The following RALGAPA1 variants were observed in gnomAD, a reference collection of about 807,000 sequenced individuals.
RALGAPA1 encodes the protein ral GTPase-activating protein subunit alpha-1.
Under a neutral mutation model 269.6 loss-of-function variants are expected in RALGAPA1, and 52 were observed. The observed-to-expected ratio is 0.19, with a 90% CI of 0.15 to 0.24. The LOEUF is 0.24. Ranked by LOEUF, RALGAPA1 falls within the 10% of genes least tolerant of loss-of-function variation. The pLI, the probability that RALGAPA1 is intolerant of heterozygous loss-of-function variation, is 1.00. For missense variants in RALGAPA1, 1,917 were observed against 3,013.9 expected (o/e 0.64, Z 8.52); for synonymous variants, 817 against 1,008.3 (o/e 0.81, Z 3.60).
At position 35,548,456 on chromosome 14, in the gene RALGAPA1, A is replaced by G. The variant is rs865870704; in HGVS notation, c.*23+52T>C. On this transcript the variant is annotated intron_variant, in intron 41 of 41. Coordinates refer to ENST00000680220, the MANE Select transcript of RALGAPA1 (RefSeq NM_001346249.2). ...AAGCTTAGAGCCTGCTAATTTTGAA[A>G]AAAGGAAATGGGAGAAGAACAGAGG... 1.1e-5 allele frequency: 15 copies of G among 1,395,828 alleles called. No homozygotes were observed. The African/African-American group carries it at 2.1e-4, about 19-fold the overall frequency. The allele number at this position is 1,395,828 out of a possible 1,614,324, so 86.5% of individuals were successfully genotyped here.
At chr14:35,543,881 A>G (rs1019736052) in intron 41 of RALGAPA1, among the ~76,000 whole-genome samples, 2 of 152,226 alleles carry the variant, frequency 1.3e-5, no homozygotes, top group Non-Finnish European at 2.9e-5. Context: ...GCCTCAAGTG[A>G]TCTGCCTGCC....
At chr14:35,583,518 G>A (rs1437370725) in intron 37 of RALGAPA1, among the ~76,000 whole-genome samples, 1 of 152,072 alleles carries the variant, frequency 6.6e-6, no homozygotes, top group Non-Finnish European at 1.5e-5. Flanking sequence ...GAAGAAGAAA[G>A]AGAAAAAGGA....
intron 21 of RALGAPA1, among the ~76,000 whole-genome samples, chr14:35,680,794 T>G (rs1485056043): frequency 4.6e-5 from 7 of 150,926 alleles, no homozygotes; most frequent in Admixed American, 6.6e-5. Flanking sequence ...TTTTGTATTT[T>G]TAGTAGAGAC....
intron 39 of RALGAPA1, among the ~76,000 whole-genome samples, chr14:35,561,422 A>G (rs1440930376): frequency 6.6e-6 from 1 of 151,366 alleles, no homozygotes; most frequent in Non-Finnish European, 1.5e-5. Context: ...AGACTACAAG[A>G]CTTGGCAGCA....
chr14:35,644,228 G>T (rs536594624), intron 31 of RALGAPA1, among the ~76,000 whole-genome samples: 1 of 152,174 alleles, frequency 6.6e-6, no homozygotes, highest in African/African-American at 2.4e-5. Context: ...ATGAACTTAC[G>T]TATTAAGGAT....
intron 39 of RALGAPA1, among the ~76,000 whole-genome samples, chr14:35,554,451 A>G (rs2055372087): frequency 7.5e-6 from 1 of 133,090 alleles, no homozygotes; most frequent in Non-Finnish European, 1.5e-5. Flanking sequence ...GGTTCACGCC[A>G]TTCTCCTGCC....
intron 35 of RALGAPA1, among the ~76,000 whole-genome samples, chr14:35,610,376 G>A (rs74450812): frequency 0.12 from 17,372 of 150,898 alleles, 1,056 homozygotes; most frequent in South Asian, 0.13. Context: ...TCCGCCTCCC[G>A]GGTTCACACC....
intron 7 of RALGAPA1, 127 bp downstream of exon 7, chr14:35,756,666 C>G: frequency 1.7e-6 from 1 of 603,320 alleles, no homozygotes; most frequent in Non-Finnish European, 2.7e-6. Flanking sequence ...GACCCTTCCC[C>G]TCCAACCTCC....
chr14:35,745,030 A>C (rs980759974), intron 10 of RALGAPA1, among the ~76,000 whole-genome samples: 2 of 152,256 alleles, frequency 1.3e-5, no homozygotes, highest in Non-Finnish European at 2.9e-5. Flanking sequence ...GCTTGAATTT[A>C]CTATAGACCA....
In RALGAPA1 at chr14:35,634,646, T is replaced by C; in HGVS notation, c.5923A>G (p.Ser1975Gly). Residue 1975 changes from serine to glycine, a missense_variant, in exon 33 of 42, where the codon AGT becomes GGT. Ser to Gly is a moderately conservative substitution (Grantham distance 56). Transcript: ENST00000680220. The stretch of plus-strand genomic sequence containing the variant: ...TGCAGAGGCTCAGGCTCTTTCAGAC[T>C]TTCCAAATGCATAAAAGGATCATAA... ...VDYDPFMHLE[S>G]LKEPEPLHSP... The C allele has an allele frequency of 6.2e-7, 1 of 1,613,722 alleles. No individual in the cohort carries two copies. The highest frequency in any genetic ancestry group is 8.5e-7 in the Non-Finnish European group (1 of 1,179,752).
chr14:35,806,442 A>C (rs2077390003), intron 1 of RALGAPA1, among the ~76,000 whole-genome samples: 1 of 152,184 alleles, frequency 6.6e-6, no homozygotes, highest in Non-Finnish European at 1.5e-5. Context: ...GTTTTTACAA[A>C]TCAATTATGC....
At chr14:35,674,089 A>G in intron 24 of RALGAPA1, 91 bp downstream of exon 24, 1 of 935,858 alleles carries the variant, frequency 1.1e-6, no homozygotes, top group Non-Finnish European at 1.6e-6. Flanking sequence ...TAAGTGCTCT[A>G]GAAGTCTATA....
In RALGAPA1 at chr14:35,721,707, T is replaced by C. The variant is rs549346670; in HGVS notation, c.2247A>G (p.Ile749Met). The change falls in exon 16 of 42, where the codon ATA becomes ATG. Residue 749 changes from isoleucine (I) to methionine (M), a missense_variant. This residue lies in a region of RALGAPA1 where 125 missense variants were observed against 155.7 expected (regional missense o/e 0.80). Transcript: ENST00000680220. ...GSPGTEKARS[I>M]VRQKTVAMRS... is the part of the protein sequence containing the mutation. ...ACATACCGACAGTTTTTTGCCGTAC[T>C]ATACTCCTCGCCTTTTCGGTTCCTG... The C allele has an allele frequency of 6.2e-7, 1 of 1,613,590 alleles. No homozygotes were observed. Among genetic ancestry groups the C allele is most frequent in the South Asian group, 1.1e-5 (1 of 91,054 alleles).
intron 4 of RALGAPA1, among the ~76,000 whole-genome samples, chr14:35,764,744 C>A (rs950289281): frequency 1.3e-5 from 2 of 151,406 alleles, no homozygotes; most frequent in Non-Finnish European, 2.9e-5. Context: ...GGGGTTTTGT[C>A]ATGTTGCCCA....
chr14:35,625,150 C>CAAA (rs35013388), intron 35 of RALGAPA1, among the ~76,000 whole-genome samples: 25 of 59,868 alleles, frequency 4.2e-4, no homozygotes, highest in South Asian at 2.5e-3. Context: ...GACTCTGTCT[C>CAAA]AAAAAAAAAA....
chr14:35,669,333 C>A (rs891710245), intron 26 of RALGAPA1, among the ~76,000 whole-genome samples: 1 of 152,150 alleles, frequency 6.6e-6, no homozygotes, highest in African/African-American at 2.4e-5. Flanking sequence ...CGGCTCACTG[C>A]AAACTCTGCC....
At chr14:35,782,956 G>A (rs1410764544) in intron 1 of RALGAPA1, among the ~76,000 whole-genome samples, 1 of 151,398 alleles carries the variant, frequency 6.6e-6, no homozygotes, top group Non-Finnish European at 1.5e-5. Flanking sequence ...TGAGTCACTG[G>A]GACTACAAGT....
At chr14:35,792,803 GAGAAAGAAAGAAAGAGAAAGAAAGAA>G (rs1567241257) in intron 1 of RALGAPA1, among the ~76,000 whole-genome samples, 8 of 108,982 alleles carry the variant, frequency 7.3e-5, no homozygotes, top group African/African-American at 2.9e-4. Flanking sequence ...AAGAAAGAAA[GAGAAAGAAAGAAAGAGAAAGAAAGAA>G]AGAAAGAAAG....
chr14:35,567,219 C>T (rs1183370122), intron 39 of RALGAPA1, among the ~76,000 whole-genome samples: 1 of 151,964 alleles, frequency 6.6e-6, no homozygotes, highest in Non-Finnish European at 1.5e-5. Context: ...CTATTAACAT[C>T]TTAGCAAGAT....
Sources: gnomAD v4.1 joint callset for allele counts (sites outside exome capture counted in the v4.1 genomes callset) on GRCh38, gnomAD v4.1.1 for gene constraint, gnomAD v4.1.1 regional missense constraint, MANE v1.5 for transcripts, NCBI Gene and HGNC (gene_info 2026-07-23, HGNC 2026-07-21) for gene names.